TASP1: variants seen among roughly 807,000 people sequenced by gnomAD.
TASP1 encodes threonine aspartase 1.
TASP1 carries 16 observed loss-of-function variants against 56.6 expected under a neutral mutation model. The observed-to-expected ratio is 0.28, with a 90% CI of 0.19 to 0.43. The LOEUF (loss-of-function observed/expected upper bound fraction) is 0.43. Ranked by LOEUF, TASP1 falls within the 20% of genes least tolerant of loss-of-function variation. The pLI, the probability that TASP1 is intolerant of heterozygous loss-of-function variation, is 1.00. For synonymous variants in TASP1, 179 were observed against 184.2 expected (o/e 0.97, Z 0.23); for missense variants, 393 against 511.6 (o/e 0.77, Z 2.24).
At chr20:13,621,445 A>G (rs1173423335) in intron 4 of TASP1, among the ~76,000 whole-genome samples, 1 of 152,124 alleles carries the variant, frequency 6.6e-6, no homozygotes, top group East Asian at 1.9e-4. Flanking sequence ...ATATATATAT[A>G]AAAAATAAAA....
At chr20:13,401,664 A>T (rs1418764741) in intron 13 of TASP1, among the ~76,000 whole-genome samples, 1 of 152,210 alleles carries the variant, frequency 6.6e-6, no homozygotes, top group African/African-American at 2.4e-5. Flanking sequence ...TTTTGTCTTG[A>T]GACTGAAAAA....
the TASP1 span, among the ~76,000 whole-genome samples, chr20:13,105,025 A>C: frequency 5.3e-5 from 8 of 152,204 alleles, no homozygotes; most frequent in Non-Finnish European, 1.0e-4. Flanking sequence ...AATCCCTTGC[A>C]GATGTAAGCA....
chr20:13,146,903 C>A, the TASP1 span, among the ~76,000 whole-genome samples: 3 of 152,202 alleles, frequency 2.0e-5, no homozygotes, highest in Non-Finnish European at 4.4e-5. Context: ...AGGTCAGCTG[C>A]GTAATGCCTT....
At chr20:13,521,729 T>G (rs1403965068) in intron 10 of TASP1, among the ~76,000 whole-genome samples, 1 of 152,044 alleles carries the variant, frequency 6.6e-6, no homozygotes, top group Admixed American at 6.6e-5. Context: ...CATGTATACA[T>G]ATGTAACTAA....
chr20:13,269,636 G>C, the TASP1 span, among the ~76,000 whole-genome samples: 1 of 151,992 alleles, frequency 6.6e-6, no homozygotes, highest in Non-Finnish European at 1.5e-5. Context: ...ATTATGGCAG[G>C]GTGCCACCTT....
chr20:13,365,875 G>C, the TASP1 span, among the ~76,000 whole-genome samples: 2 of 152,304 alleles, frequency 1.3e-5, no homozygotes, highest in Non-Finnish European at 2.9e-5. Flanking sequence ...TGGAGGCAGG[G>C]AGTCTAGTTA....
intron 8 of TASP1, 122 bp from the exon 9 acceptor site, chr20:13,534,263 C>T (rs895393858): frequency 8.3e-7 from 1 of 1,205,398 alleles, no homozygotes; most frequent in Non-Finnish European, 1.1e-6. Flanking sequence ...CTAAGTGGAA[C>T]ATTGAGCAAT....
At chr20:13,272,191 A>G in the TASP1 span, among the ~76,000 whole-genome samples, 11 of 152,266 alleles carry the variant, frequency 7.2e-5, no homozygotes, top group East Asian at 2.1e-3. Flanking sequence ...AAGTTCCTGA[A>G]CTTGGACTCA....
the TASP1 span, among the ~76,000 whole-genome samples, chr20:13,178,137 C>T: frequency 6.6e-6 from 1 of 151,840 alleles, no homozygotes; most frequent in African/African-American, 2.4e-5. Flanking sequence ...AAAGGGTCAA[C>T]AAATACATGA....
chr20:13,163,089 C>A, the TASP1 span, among the ~76,000 whole-genome samples: 36 of 152,164 alleles, frequency 2.4e-4, no homozygotes, highest in Admixed American at 2.2e-3. Context: ...GAATAGAGGT[C>A]GGGCGCAGTG....
the TASP1 span, among the ~76,000 whole-genome samples, chr20:13,272,542 A>T: frequency 6.6e-6 from 1 of 152,224 alleles, no homozygotes; most frequent in Non-Finnish European, 1.5e-5. Context: ...ATAGGTGGAA[A>T]GAAGTCGGAC....
At chr20:13,283,784 G>A in the TASP1 span, among the ~76,000 whole-genome samples, 1 of 152,288 alleles carries the variant, frequency 6.6e-6, no homozygotes, top group African/African-American at 2.4e-5. Flanking sequence ...ACTGCTTATT[G>A]TTACTTGGGT....
At chr20:13,587,533 C>G (rs2047351827) in intron 4 of TASP1, among the ~76,000 whole-genome samples, 163 bp from the exon 5 acceptor site, 1 of 151,950 alleles carries the variant, frequency 6.6e-6, no homozygotes, top group South Asian at 2.1e-4. Context: ...AAGATATCAG[C>G]AGCAAAGTAC....
chr20:13,428,634 G>T (rs542942346), intron 12 of TASP1, among the ~76,000 whole-genome samples: 1 of 152,286 alleles, frequency 6.6e-6, no homozygotes, highest in East Asian at 1.9e-4. Context: ...CTCATGATCT[G>T]GGGGTAGGAG....
chr20:13,379,702 C>T, the TASP1 span, among the ~76,000 whole-genome samples: 2 of 152,106 alleles, frequency 1.3e-5, no homozygotes, highest in Non-Finnish European at 2.9e-5. Flanking sequence ...CCTGTCACTT[C>T]CAGGTACACC....
chr20:13,288,795 T>TG, the TASP1 span: 1 of 1,192,794 alleles, frequency 8.4e-7, no homozygotes, highest in African/African-American at 1.5e-5. Context: ...TCTTTTCTTT[T>TG]TTTTTTTGAG....
intron 11 of TASP1, among the ~76,000 whole-genome samples, chr20:13,459,278 A>G (rs2043965575): frequency 6.6e-6 from 1 of 152,110 alleles, no homozygotes; most frequent in Admixed American, 6.6e-5. Flanking sequence ...CCTCACTTGC[A>G]AGAATCTCAC....
intron 10 of TASP1, among the ~76,000 whole-genome samples, chr20:13,499,624 G>C (rs1360804381): frequency 1.3e-5 from 2 of 152,126 alleles, no homozygotes; most frequent in African/African-American, 4.8e-5. Context: ...CCAAAGTCAA[G>C]AGTTGAGGAT....
intron 12 of TASP1, among the ~76,000 whole-genome samples, chr20:13,420,531 C>T (rs1398188500): frequency 6.6e-6 from 1 of 152,166 alleles, no homozygotes; most frequent in African/African-American, 2.4e-5. Flanking sequence ...TTAATTCACG[C>T]TAGCTTGAAA....
Sources: allele counts gnomAD v4.1 joint callset (sites outside exome capture counted in the v4.1 genomes callset), GRCh38; gene constraint gnomAD v4.1.1; transcripts MANE v1.5; gene names NCBI Gene and HGNC (gene_info 2026-07-23, HGNC 2026-07-21).